KCNAB1: variants seen among roughly 807,000 people sequenced by gnomAD.
The protein encoded by KCNAB1 is potassium voltage-gated channel subfamily A regulatory beta subunit 1.
KCNAB1 carries 35 observed loss-of-function variants against 64.6 expected under a neutral mutation model. The ratio of observed to expected loss-of-function variants is 0.54; its 90% CI spans 0.41 to 0.72. The LOEUF is 0.72. Ranked by LOEUF, KCNAB1 falls within the 30% of genes least tolerant of loss-of-function variation. The pLI is 0.00. For synonymous variants in KCNAB1, 177 were observed against 183.8 expected (o/e 0.96, Z 0.30); for missense variants, 401 against 512.9 (o/e 0.78, Z 2.11).
chr3:156,352,715 A>C (rs541322857), intron 1 of KCNAB1, among the ~76,000 whole-genome samples: 1 of 152,104 alleles, frequency 6.6e-6, no homozygotes, highest in Admixed American at 6.5e-5. Flanking sequence ...TGTTCCTTTG[A>C]TGCTCCTGGA....
At chr3:156,520,099 C>T (rs1265263293) in intron 11 of KCNAB1, among the ~76,000 whole-genome samples, 3 of 152,166 alleles carry the variant, frequency 2.0e-5, no homozygotes, top group Non-Finnish European at 1.5e-5. Flanking sequence ...GAAACCTGCT[C>T]ATCTGACTCA....
intron 8 of KCNAB1, among the ~76,000 whole-genome samples, chr3:156,507,062 C>G (rs756919899): frequency 2.6e-4 from 39 of 152,258 alleles, no homozygotes; most frequent in South Asian, 8.3e-4. Context: ...CTCCCCAAAC[C>G]ATCTTCTCCA....
chr3:156,218,728 A>G (rs1021959186), intron 1 of KCNAB1, among the ~76,000 whole-genome samples: 1 of 146,212 alleles, frequency 6.8e-6, no homozygotes, highest in African/African-American at 2.6e-5. Context: ...CTTTGCAGAC[A>G]CTCCGCAGTA....
At chr3:156,460,386 C>T (rs969495367) in intron 5 of KCNAB1, 2 of 152,788 alleles carry the variant, frequency 1.3e-5, no homozygotes, top group Non-Finnish European at 2.9e-5. Context: ...CTATTCAGAA[C>T]AATGCTTCAT....
At chr3:156,198,913 ATTTTTTTTTTTTTT>A (rs71138701) in intron 1 of KCNAB1, among the ~76,000 whole-genome samples, 2 of 21,294 alleles carry the variant, frequency 9.4e-5, no homozygotes, top group Non-Finnish European at 9.0e-5. Flanking sequence ...TTATATTTTG[ATTTTTTTTTTTTTT>A]TTTTTTTTTT....
intron 1 of KCNAB1, among the ~76,000 whole-genome samples, chr3:156,140,097 C>G (rs549613905): frequency 6.6e-6 from 1 of 152,034 alleles, no homozygotes; most frequent in African/African-American, 2.4e-5. Flanking sequence ...TCTTTAAAAC[C>G]TTTCTAATAC....
At position 156,449,215 on chromosome 3, in the gene KCNAB1, A is replaced by C. The variant is rs114398406; in HGVS notation, c.320-3684A>C. On this transcript the variant is annotated intron_variant, in intron 2 of 13. Transcript: ENST00000490337. Reference sequence around the variant, plus strand: ...AAAACATTGAAAAAGGAAAACAATTATTGCTATATTTTTATTTCATAATTC... The same window carrying C: ...AAAACATTGAAAAAGGAAAACAATTCTTGCTATATTTTTATTTCATAATTC... Among the ~76,000 whole-genome samples the C allele has an allele frequency of 9.6e-3, 1,466 of 152,242 alleles. 14 individuals are homozygous for C. Among genetic ancestry groups the C allele is most frequent in the African/African-American group, 0.034 (1,403 of 41,534 alleles).
chr3:156,383,433 C>G (rs957445096), intron 1 of KCNAB1, among the ~76,000 whole-genome samples: 10 of 152,114 alleles, frequency 6.6e-5, no homozygotes, highest in African/African-American at 2.4e-4. Flanking sequence ...CTCCTTAGCA[C>G]TGTAATTTAG....
intron 1 of KCNAB1, among the ~76,000 whole-genome samples, chr3:156,275,119 G>A (rs1719263062): frequency 6.6e-6 from 1 of 152,024 alleles, no homozygotes; most frequent in South Asian, 2.1e-4. Context: ...AGACAGTACA[G>A]GTATACTTTG....
At chr3:156,468,154 T>A (rs1713564647) in intron 7 of KCNAB1, among the ~76,000 whole-genome samples, 1 of 152,196 alleles carries the variant, frequency 6.6e-6, no homozygotes, top group Non-Finnish European at 1.5e-5. Flanking sequence ...TGAGTATTTT[T>A]ATTCCAACTT....
At chr3:156,473,951 A>G (rs1315042507) in intron 7 of KCNAB1, among the ~76,000 whole-genome samples, 1 of 152,162 alleles carries the variant, frequency 6.6e-6, no homozygotes, top group Non-Finnish European at 1.5e-5. Flanking sequence ...CATTAATTTT[A>G]CTAAAATTAA....
intron 1 of KCNAB1, among the ~76,000 whole-genome samples, chr3:156,286,014 GGTA>G (rs1720081875): frequency 6.6e-6 from 1 of 152,160 alleles, no homozygotes; most frequent in South Asian, 2.1e-4. Flanking sequence ...ACATGTGGCT[GGTA>G]GTGTGAGAAA....
At chr3:156,437,602 A>G (rs1485895760) in intron 2 of KCNAB1, among the ~76,000 whole-genome samples, 1 of 152,134 alleles carries the variant, frequency 6.6e-6, no homozygotes, top group Non-Finnish European at 1.5e-5. Context: ...CCAGAAAACG[A>G]GACTGCTGAT....
At chr3:156,293,811 G>A (rs1720610043) in intron 1 of KCNAB1, among the ~76,000 whole-genome samples, 2 of 152,190 alleles carry the variant, frequency 1.3e-5, no homozygotes, top group African/African-American at 4.8e-5. Context: ...TGCTGCTGTG[G>A]CACACACGCA....
intron 1 of KCNAB1, among the ~76,000 whole-genome samples, chr3:156,133,174 G>A (rs1714103219): frequency 6.6e-6 from 1 of 152,194 alleles, no homozygotes; most frequent in Non-Finnish European, 1.5e-5. Flanking sequence ...GATTTAGGAG[G>A]TGAGAGTCAG....
At chr3:156,366,556 A>G (rs563472799) in intron 1 of KCNAB1, among the ~76,000 whole-genome samples, 1 of 152,342 alleles carries the variant, frequency 6.6e-6, no homozygotes, top group East Asian at 1.9e-4. Context: ...AAAGGTAGCC[A>G]TAGCGTGGAG....
intron 1 of KCNAB1, among the ~76,000 whole-genome samples, chr3:156,334,155 G>A (rs140392828): frequency 1.7e-4 from 26 of 152,074 alleles, no homozygotes; most frequent in African/African-American, 3.1e-4. Context: ...TTCCTGATCC[G>A]TTTTGGAATT....
intron 1 of KCNAB1, among the ~76,000 whole-genome samples, chr3:156,374,275 G>A (rs1258688412): frequency 6.6e-6 from 1 of 152,136 alleles, no homozygotes; most frequent in Non-Finnish European, 1.5e-5. Context: ...GAACTTTCCT[G>A]TTCTTAGACT....
intron 13 of KCNAB1, chr3:156,536,402 TTC>T (rs1225197009): frequency 5.9e-6 from 2 of 340,794 alleles, no homozygotes; most frequent in Non-Finnish European, 1.1e-5. Flanking sequence ...TGCATTATAT[TTC>T]TGTTGGATAG....
Sources: allele counts gnomAD v4.1 joint callset (sites outside exome capture counted in the v4.1 genomes callset), GRCh38; gene constraint gnomAD v4.1.1; transcripts MANE v1.5; gene names NCBI Gene and HGNC (gene_info 2026-07-23, HGNC 2026-07-21).